CLVS1: variants seen among roughly 807,000 people sequenced by gnomAD.
CLVS1 encodes the protein clavesin 1.
A neutral mutation model predicts 33.1 loss-of-function variants in CLVS1; 10 were observed. The ratio of observed to expected loss-of-function variants is 0.30; its 90% CI spans 0.19 to 0.51. The LOEUF (loss-of-function observed/expected upper bound fraction) is 0.51. CLVS1 is among the 20% of genes least tolerant of loss of function. The pLI is 0.97. For synonymous variants in CLVS1, 163 were observed against 166.1 expected (o/e 0.98, Z 0.14); for missense variants, 343 against 433.4 (o/e 0.79, Z 1.85).
chr8:61,292,502 G>A, intron 1 of CLVS1: 1 of 417,452 alleles, frequency 2.4e-6, no homozygotes, highest in African/African-American at 2.0e-5. Flanking sequence ...CCTTAAAAAA[G>A]AGAATCTATT....
intron 2 of CLVS1, among the ~76,000 whole-genome samples, chr8:61,218,656 C>G (rs1322973815): frequency 6.7e-6 from 1 of 148,590 alleles, no homozygotes; most frequent in African/African-American, 2.5e-5. Flanking sequence ...ACAACAAGGC[C>G]AGGCATGGTG....
chr8:61,292,770 G>A (rs1810042706), intron 1 of CLVS1, among the ~76,000 whole-genome samples: 1 of 152,144 alleles, frequency 6.6e-6, no homozygotes, highest in African/African-American at 2.4e-5. Flanking sequence ...TAAGGTAAAT[G>A]CTACTTCAAT....
At chr8:61,384,129 A>T (rs1813991630) in intron 3 of CLVS1, among the ~76,000 whole-genome samples, 1 of 152,238 alleles carries the variant, frequency 6.6e-6, no homozygotes, top group Non-Finnish European at 1.5e-5. Flanking sequence ...GCTTACAGAC[A>T]GTGGAGAGAA....
intron 5 of CLVS1, among the ~76,000 whole-genome samples, chr8:61,466,298 A>G (rs1817545518): frequency 6.6e-6 from 1 of 152,216 alleles, no homozygotes; most frequent in South Asian, 2.1e-4. Flanking sequence ...GGACTCAGTA[A>G]TGGCCACAAG....
chr8:61,348,442 G>T (rs59924634), intron 2 of CLVS1, among the ~76,000 whole-genome samples: 10,750 of 151,898 alleles, frequency 0.071, 1,293 homozygotes, highest in African/African-American at 0.24. Flanking sequence ...TAACAAACCT[G>T]CACGTTGTGC....
chr8:61,360,589 G>A (rs1246356659), intron 2 of CLVS1, among the ~76,000 whole-genome samples: 2 of 152,188 alleles, frequency 1.3e-5, no homozygotes, highest in Non-Finnish European at 2.9e-5. Context: ...CCAACTTACT[G>A]GAGCTACATA....
intron 3 of CLVS1, among the ~76,000 whole-genome samples, chr8:61,437,719 T>C (rs1816388402): frequency 6.6e-6 from 1 of 152,244 alleles, no homozygotes; most frequent in Non-Finnish European, 1.5e-5. Flanking sequence ...CATGATTCTC[T>C]TGTCAAAGTC....
intron 5 of CLVS1, among the ~76,000 whole-genome samples, chr8:61,488,412 T>C (rs1021973507): frequency 6.6e-6 from 1 of 152,198 alleles, no homozygotes; most frequent in African/African-American, 2.4e-5. Context: ...TTTTGTTGAA[T>C]TGCTCAGTAA....
chr8:60,994,353 T>C, the CLVS1 span, among the ~76,000 whole-genome samples: 1 of 152,176 alleles, frequency 6.6e-6, no homozygotes, highest in Admixed American at 6.5e-5. Context: ...AGGACTTCAA[T>C]ATATAAATTT....
intron 3 of CLVS1, among the ~76,000 whole-genome samples, chr8:61,411,288 C>G (rs1265875745): frequency 2.0e-5 from 3 of 152,202 alleles, no homozygotes; most frequent in Admixed American, 6.5e-5. Context: ...CTGAATTCCT[C>G]CTGTCTGCAA....
rs574167672 is a variant in CLVS1, at chr8:61,317,872, AC to A, written c.455+17592del. Reference sequence around the variant, plus strand: ...TGTTACCATTGTATCATTATTCAACACCATGGTTACTATTATTGTTTGTTAT... The same window carrying A: ...TGTTACCATTGTATCATTATTCAACACATGGTTACTATTATTGTTTGTTAT... On this transcript the variant is annotated intron_variant, in intron 2 of 5. Coordinates refer to ENST00000325897, the MANE Select transcript of CLVS1 (RefSeq NM_173519.3). Among the ~76,000 whole-genome samples the A allele has an allele frequency of 3.7e-4, 57 of 152,124 alleles. No individual in the cohort carries two copies. The East Asian group carries it at 0.011, about 29-fold the overall frequency.
At chr8:61,209,842 G>A (rs1029550820) in intron 2 of CLVS1, among the ~76,000 whole-genome samples, 1 of 152,184 alleles carries the variant, frequency 6.6e-6, no homozygotes, top group Non-Finnish European at 1.5e-5. Flanking sequence ...GTGTGTTTTT[G>A]TGGTGGGGAT....
chr8:61,491,985 T>C (rs747085812), intron 5 of CLVS1, among the ~76,000 whole-genome samples: 1 of 152,156 alleles, frequency 6.6e-6, no homozygotes, highest in Non-Finnish European at 1.5e-5. Flanking sequence ...GAGTGTCAGT[T>C]TGAGAACTAA....
At chr8:61,095,079 A>G (rs956345233) in intron 1 of CLVS1, among the ~76,000 whole-genome samples, 5 of 152,194 alleles carry the variant, frequency 3.3e-5, no homozygotes, top group African/African-American at 7.2e-5. Context: ...GTGTTTTTAA[A>G]TACTGATTAA....
intron 2 of CLVS1, among the ~76,000 whole-genome samples, chr8:61,280,231 G>C (rs1332988834): frequency 6.6e-6 from 1 of 152,078 alleles, no homozygotes; most frequent in Non-Finnish European, 1.5e-5. Flanking sequence ...GTATTGATGA[G>C]TTATTTTATC....
chr8:61,140,179 G>T lies in CLVS1; in HGVS notation c.-152+8319G>T, dbSNP rs1806281477. On this transcript the variant is annotated intron_variant, in intron 2 of 2. Transcript: ENST00000522621. ...CCTTCCTTCAGACCCATTAAATAAT[G>T]ATTTTATCCTTGGGCGAAGGTTCCT... is the stretch of plus-strand genomic sequence containing the variant. Among the ~76,000 whole-genome samples the T allele has an allele frequency of 3.3e-5, 5 of 152,352 alleles. No individual in the cohort carries two copies. In the East Asian group the frequency reaches 9.6e-4, roughly 29 times the overall value.
intron 2 of CLVS1, among the ~76,000 whole-genome samples, chr8:61,241,694 G>A (rs749837677): frequency 6.6e-6 from 1 of 152,158 alleles, no homozygotes. Context: ...GCTTTAAAAT[G>A]AGCGTATATC....
chr8:61,048,727 G>C, the CLVS1 span, among the ~76,000 whole-genome samples: 1 of 152,110 alleles, frequency 6.6e-6, no homozygotes, highest in Non-Finnish European at 1.5e-5. Flanking sequence ...TTATGCTATG[G>C]AGCTCCCCCA....
rs567025090 is a variant in CLVS1 at position 61,125,412 on chromosome 8, C to T, written c.-242-6358C>T. 1.2e-4 allele frequency among the ~76,000 whole-genome samples: 18 copies of T among 152,258 alleles called. No individual in the cohort carries two copies. The South Asian group carries it at 2.7e-3, about 23-fold the overall frequency. On this transcript the variant is annotated intron_variant, in intron 1 of 2. Transcript: ENST00000522621. ...AAGCAGCTTTACCCATAAGGGGTTA[C>T]TCAAAACTAAAACAAAAACTAAAAA...
Sources: allele counts gnomAD v4.1 joint callset (sites outside exome capture counted in the v4.1 genomes callset), GRCh38; gene constraint gnomAD v4.1.1; transcripts MANE v1.5; gene names NCBI Gene and HGNC (gene_info 2026-07-23, HGNC 2026-07-21).